The following PLD5 variants were observed in gnomAD, a reference collection of about 807,000 sequenced individuals.
PLD5 encodes inactive phospholipase D5.
A neutral mutation model predicts 61.1 loss-of-function variants in PLD5; 36 were observed. The ratio of observed to expected loss-of-function variants is 0.59; its 90% CI spans 0.45 to 0.78. The LOEUF (loss-of-function observed/expected upper bound fraction) is 0.78, where lower values mean the gene tolerates loss of function less well. Among genes scored for constraint, PLD5 ranks in the 30% least tolerant of loss-of-function variants. PLD5 has a pLI of 0.00. For missense variants in PLD5, 515 were observed against 644.4 expected (o/e 0.80, Z 2.17); for synonymous variants, 243 against 242.8 (o/e 1.00, Z -0.01).
chr1:242,092,615 C>T (rs551737778), intron 9 of PLD5, among the ~76,000 whole-genome samples: 1 of 152,034 alleles, frequency 6.6e-6, no homozygotes, highest in Non-Finnish European at 1.5e-5. Context: ...ATTGGCCTTC[C>T]GTCCCCTCTG....
intron 1 of PLD5, among the ~76,000 whole-genome samples, chr1:242,352,901 C>T (rs1408076606): frequency 6.6e-6 from 1 of 152,108 alleles, no homozygotes; most frequent in East Asian, 1.9e-4. Context: ...AGTTTTTCTT[C>T]CCATAGAGTT....
intron 5 of PLD5, among the ~76,000 whole-genome samples, chr1:242,219,267 A>G (rs1670413461): frequency 1.3e-5 from 2 of 152,200 alleles, no homozygotes; most frequent in Non-Finnish European, 2.9e-5. Context: ...TAATAGCGTG[A>G]TCCCAAATTT....
chr1:242,492,949 A>G (rs553271100), intron 1 of PLD5, among the ~76,000 whole-genome samples: 1 of 152,278 alleles, frequency 6.6e-6, no homozygotes, highest in East Asian at 1.9e-4. Flanking sequence ...ATCACATGGG[A>G]GGTAGGATTT....
At chr1:242,310,777 A>T (rs1233877852) in intron 2 of PLD5, among the ~76,000 whole-genome samples, 1 of 152,114 alleles carries the variant, frequency 6.6e-6, no homozygotes, top group African/African-American at 2.4e-5. Flanking sequence ...GCTGGAGGAG[A>T]TTATGAGATT....
At chr1:242,524,045 G>A (rs1443798079) in intron 1 of PLD5, 43 bp downstream of exon 1, 1 of 1,514,898 alleles carries the variant, frequency 6.6e-7, no homozygotes, top group Admixed American at 2.0e-5. Flanking sequence ...GGGTGCATGC[G>A]GCAGGTGCCT....
chr1:242,114,286 TAAA>T (rs769275395), intron 6 of PLD5, among the ~76,000 whole-genome samples: 3 of 152,170 alleles, frequency 2.0e-5, no homozygotes, highest in Admixed American at 6.5e-5. Flanking sequence ...TTTTATGTAT[TAAA>T]AAATTTAATT....
intron 1 of PLD5, among the ~76,000 whole-genome samples, chr1:242,434,018 G>T (rs1197022012): frequency 1.3e-5 from 2 of 152,216 alleles, no homozygotes; most frequent in Non-Finnish European, 2.9e-5. Flanking sequence ...TTTACTCTGA[G>T]TAAGATGGAA....
Position 242,321,247 on chromosome 1 carries a change from T to C in PLD5, c.326+26859A>G, listed in dbSNP as rs541393162. Among the ~76,000 whole-genome samples the C allele has an allele frequency of 7.2e-4, 109 of 151,752 alleles. No homozygotes were observed. In the Middle Eastern group the frequency reaches 0.01, roughly 14 times the overall value. On this transcript the variant is annotated intron_variant, in intron 2 of 9. Transcript: ENST00000536534. The stretch of plus-strand genomic sequence containing the variant: ...AAAATAATGGAGAGTTTGACACCTT[T>C]AAAGGTTTAAGAAGAAAAAAAGCAT...
chr1:242,235,159 A>G (rs1465324372), intron 4 of PLD5, among the ~76,000 whole-genome samples: 1 of 152,158 alleles, frequency 6.6e-6, no homozygotes, highest in African/African-American at 2.4e-5. Context: ...CTTATTTAGC[A>G]TTTGTCTTCC....
At chr1:242,482,599 A>G (rs1667816967) in intron 1 of PLD5, among the ~76,000 whole-genome samples, 1 of 152,284 alleles carries the variant, frequency 6.6e-6, no homozygotes, top group African/African-American at 2.4e-5. Flanking sequence ...ACCTGAAAGT[A>G]ATGGGGAGAA....
intron 5 of PLD5, among the ~76,000 whole-genome samples, chr1:242,202,594 A>G (rs1472435185): frequency 6.6e-6 from 1 of 152,154 alleles, no homozygotes; most frequent in Non-Finnish European, 1.5e-5. Context: ...GCTGTCCATC[A>G]CTGGACAGCT....
At chr1:242,447,886 G>C (rs758346163) in intron 1 of PLD5, among the ~76,000 whole-genome samples, 1 of 152,204 alleles carries the variant, frequency 6.6e-6, no homozygotes, top group Non-Finnish European at 1.5e-5. Context: ...GAGGGACTCT[G>C]CATTTCAGCC....
chr1:242,101,125 T>C (rs1660652984), intron 8 of PLD5, among the ~76,000 whole-genome samples: 3 of 152,334 alleles, frequency 2.0e-5, no homozygotes, highest in Admixed American at 2.0e-4. Context: ...TGCCTCAGGG[T>C]GCTTTCTGCC....
chr1:242,492,285 G>C (rs188335068), intron 1 of PLD5, among the ~76,000 whole-genome samples: 1 of 151,940 alleles, frequency 6.6e-6, no homozygotes, highest in Non-Finnish European at 1.5e-5. Context: ...GTCGAGGCAC[G>C]TGGATCACCT....
intron 5 of PLD5, among the ~76,000 whole-genome samples, chr1:242,169,656 G>A (rs978324255): frequency 3.3e-5 from 5 of 152,156 alleles, no homozygotes; most frequent in African/African-American, 1.2e-4. Context: ...ACCCCATGGA[G>A]CCCAGCAAAC....
At chr1:242,124,843 TTAAG>T (rs1156322906) in intron 5 of PLD5, among the ~76,000 whole-genome samples, 178 bp from the exon 6 acceptor site, 1 of 152,222 alleles carries the variant, frequency 6.6e-6, no homozygotes, top group Non-Finnish European at 1.5e-5. Context: ...TGCTAAATAT[TTAAG>T]TAAAATTTTG....
chr1:242,521,049 A>G (rs1401429508), intron 1 of PLD5, among the ~76,000 whole-genome samples: 1 of 152,246 alleles, frequency 6.6e-6, no homozygotes, highest in Non-Finnish European at 1.5e-5. Context: ...ATAATACAAC[A>G]TTCTGTGTAT....
intron 1 of PLD5, among the ~76,000 whole-genome samples, chr1:242,480,257 G>A (rs1380117062): frequency 1.3e-5 from 2 of 152,268 alleles, no homozygotes; most frequent in East Asian, 3.9e-4. Flanking sequence ...AATCCAATTG[G>A]TGTAGGGGTA....
At chr1:242,444,629 T>C (rs903530495) in intron 1 of PLD5, among the ~76,000 whole-genome samples, 8 of 147,204 alleles carry the variant, frequency 5.4e-5, no homozygotes, top group African/African-American at 1.7e-4. Context: ...ATAATATATA[T>C]ATTATATATT....
Sources: allele counts gnomAD v4.1 joint callset (sites outside exome capture counted in the v4.1 genomes callset), GRCh38; gene constraint gnomAD v4.1.1; transcripts MANE v1.5; gene names NCBI Gene and HGNC (gene_info 2026-07-23, HGNC 2026-07-21).